CDH4: variants seen among roughly 807,000 people sequenced by gnomAD.
The protein encoded by CDH4 is cadherin 4.
CDH4 carries 33 observed loss-of-function variants against 86.0 expected under a neutral mutation model. The observed-to-expected ratio is 0.38, with a 90% CI of 0.29 to 0.51. The LOEUF is 0.51. Among genes scored for constraint, CDH4 ranks in the 20% least tolerant of loss-of-function variants. The pLI is 0.86. For missense variants in CDH4, 1,114 were observed against 1,307.4 expected, an observed-to-expected ratio of 0.85 and a Z score of 2.28; for synonymous variants, 555 against 549.4, an observed-to-expected ratio of 1.01 and a Z score of -0.14.
At chr20:61,771,924 G>A (rs1159842830) in intron 3 of CDH4, among the ~76,000 whole-genome samples, 1 of 152,180 alleles carries the variant, frequency 6.6e-6, no homozygotes, top group Non-Finnish European at 1.5e-5. Flanking sequence ...CAGCTGTGGA[G>A]TTACTGGATC....
intron 2 of CDH4, among the ~76,000 whole-genome samples, chr20:61,655,384 A>G (rs576657804): frequency 6.6e-6 from 1 of 152,256 alleles, no homozygotes; most frequent in East Asian, 1.9e-4. Flanking sequence ...ACACACTTAC[A>G]CACACACACA....
At chr20:61,926,462 G>C (rs1265121105) in intron 11 of CDH4, among the ~76,000 whole-genome samples, 1 of 151,952 alleles carries the variant, frequency 6.6e-6, no homozygotes, top group South Asian at 2.1e-4. Context: ...CAGAGCCCGG[G>C]CTGTGTAGCT....
At chr20:61,894,818 G>C in intron 7 of CDH4, 92 bp from the exon 8 acceptor site, 3 of 1,416,096 alleles carry the variant, frequency 2.1e-6, no homozygotes, top group Admixed American at 4.2e-5. Flanking sequence ...CAGGAACTCC[G>C]TTCCTGTAAA....
chr20:61,565,241 G>GGTGGTGGTGCTCTTGGTGGTC (rs1278281894), intron 2 of CDH4, among the ~76,000 whole-genome samples: 1 of 26,980 alleles, frequency 3.7e-5, no homozygotes, highest in Non-Finnish European at 6.1e-5. Flanking sequence ...TGGTGGTGGT[G>GGTGGTGGTGCTCTTGGTGGTC]GCGGTGCTCT....
At chr20:61,263,378 C>T (rs928481199) in intron 2 of CDH4, among the ~76,000 whole-genome samples, 1 of 152,164 alleles carries the variant, frequency 6.6e-6, no homozygotes, top group Non-Finnish European at 1.5e-5. Flanking sequence ...ATTTAATTAT[C>T]TTTGACCCAG....
At chr20:61,318,506 T>C (rs965287595) in intron 2 of CDH4, among the ~76,000 whole-genome samples, 1 of 152,244 alleles carries the variant, frequency 6.6e-6, no homozygotes, top group African/African-American at 2.4e-5. Flanking sequence ...AAGAAAACCT[T>C]ATCCATTTGG....
intron 2 of CDH4, among the ~76,000 whole-genome samples, chr20:61,264,092 C>A (rs559698501): frequency 6.6e-6 from 1 of 152,156 alleles, no homozygotes; most frequent in Non-Finnish European, 1.5e-5. Flanking sequence ...TCACAGCCTC[C>A]GGAATTAGGA....
chr20:61,567,907 A>G (rs2145701328), intron 2 of CDH4, among the ~76,000 whole-genome samples: 1 of 152,290 alleles, frequency 6.6e-6, no homozygotes, highest in African/African-American at 2.4e-5. Flanking sequence ...CAGGAGTTCA[A>G]GGCTACAGTG....
At chr20:61,639,466 A>G (rs143038835) in intron 2 of CDH4, among the ~76,000 whole-genome samples, 4 of 152,234 alleles carry the variant, frequency 2.6e-5, no homozygotes, top group African/African-American at 7.2e-5. Context: ...ATGCTGGCTA[A>G]TGTTCAATGC....
intron 2 of CDH4, among the ~76,000 whole-genome samples, chr20:61,573,455 AT>A (rs1315498742): frequency 6.6e-6 from 1 of 152,248 alleles, no homozygotes; most frequent in Non-Finnish European, 1.5e-5. Context: ...TGTTGCTATA[AT>A]TAGACCACCT....
chr20:61,719,842 A>AT (rs1017542215), intron 2 of CDH4: 10 of 152,236 alleles, frequency 6.6e-5, no homozygotes, highest in African/African-American at 2.4e-4. Context: ...TGTTTTTTAA[A>AT]TTAAGATAAA....
intron 2 of CDH4, among the ~76,000 whole-genome samples, chr20:61,589,875 A>G (rs1019560270): frequency 1.3e-5 from 2 of 151,730 alleles, no homozygotes; most frequent in African/African-American, 4.8e-5. Context: ...GCTCCCAGAC[A>G]TTGCGTGGAC....
chr20:61,646,826 G>A (rs369732487), intron 2 of CDH4, among the ~76,000 whole-genome samples: 2 of 152,328 alleles, frequency 1.3e-5, no homozygotes. Flanking sequence ...TTTTGCTAAG[G>A]AGTTAAGGCT....
At chr20:61,883,031 C>T (rs1984358075) in intron 7 of CDH4, among the ~76,000 whole-genome samples, 2 of 152,182 alleles carry the variant, frequency 1.3e-5, no homozygotes, top group African/African-American at 4.8e-5. Flanking sequence ...CTTGTCTTTT[C>T]AAACCCCACC....
At chr20:61,493,686 G>GTTTAGTCT (rs1195444199) in intron 2 of CDH4, among the ~76,000 whole-genome samples, 1 of 152,190 alleles carries the variant, frequency 6.6e-6, no homozygotes, top group Non-Finnish European at 1.5e-5. Flanking sequence ...GTCTTGTCTG[G>GTTTAGTCT]TTTAGTCTTC....
chr20:61,884,586 G>T (rs544000854), intron 7 of CDH4, among the ~76,000 whole-genome samples: 1 of 152,180 alleles, frequency 6.6e-6, no homozygotes, highest in African/African-American at 2.4e-5. Context: ...CCAGCGAGGG[G>T]CTCCATGCTC....
intron 2 of CDH4, among the ~76,000 whole-genome samples, chr20:61,636,941 C>A (rs1007532802): frequency 6.6e-6 from 1 of 152,200 alleles, no homozygotes; most frequent in African/African-American, 2.4e-5. Context: ...TGGTCCCCTG[C>A]AAAGACTGCA....
chr20:61,307,581 C>G (rs138036589), intron 2 of CDH4, among the ~76,000 whole-genome samples: 3 of 152,366 alleles, frequency 2.0e-5, no homozygotes, highest in Non-Finnish European at 2.9e-5. Flanking sequence ...GGCTGGACCT[C>G]GAAGAAGTCC....
At chr20:61,607,610 A>G (rs1355296082) in intron 2 of CDH4, among the ~76,000 whole-genome samples, 3 of 152,184 alleles carry the variant, frequency 2.0e-5, no homozygotes, top group African/African-American at 4.8e-5. Context: ...ACCTACGTGG[A>G]CTCGCAATAG....
Sources: allele counts gnomAD v4.1 joint callset (sites outside exome capture counted in the v4.1 genomes callset), GRCh38; gene constraint gnomAD v4.1.1; transcripts MANE v1.5; gene names NCBI Gene and HGNC (gene_info 2026-07-23, HGNC 2026-07-21).